Variants in RAP1GDS1 observed in about 807,000 individuals in gnomAD.
RAP1GDS1 encodes the protein RAP1, GTP-GDP dissociation stimulator 1.
In RAP1GDS1, 35 loss-of-function variants were observed where a neutral mutation model predicts 71.1. The ratio of observed to expected loss-of-function variants is 0.49; its 90% CI spans 0.38 to 0.65. The LOEUF is 0.65. Ranked by LOEUF, RAP1GDS1 falls within the 30% of genes least tolerant of loss-of-function variation. The pLI is 0.00. For synonymous variants in RAP1GDS1, 229 were observed against 243.1 expected, an observed-to-expected ratio of 0.94 and a Z score of 0.54; for missense variants, 663 against 706.1, an observed-to-expected ratio of 0.94 and a Z score of 0.69.
chr4:98,383,223 A>C (rs1011203897), intron 5 of RAP1GDS1, among the ~76,000 whole-genome samples: 1 of 151,642 alleles, frequency 6.6e-6, no homozygotes, highest in Non-Finnish European at 1.5e-5. Flanking sequence ...ATTCTATTAT[A>C]ACTCTTAAAG....
Position 98,261,978 on chromosome 4 carries a change from T to G in RAP1GDS1, c.4+409T>G, listed in dbSNP as rs6814760. ...GAGCTCGAGGCTCGGGTCCGACCAC[T>G]ACCACTTCGTGTAACTTCCTTCTCT... On this transcript the variant is annotated intron_variant, in intron 1 of 14. Coordinates refer to ENST00000408927, the MANE Select transcript of RAP1GDS1 (RefSeq NM_001100427.2). Among the ~76,000 whole-genome samples the G allele has an allele frequency of 7.8e-3, 1,185 of 152,356 alleles. 16 individuals carry two copies. Among genetic ancestry groups the G allele is most frequent in the African/African-American group, 0.023 (966 of 41,586 alleles).
At chr4:98,302,552 A>C (rs1291369273) in intron 2 of RAP1GDS1, among the ~76,000 whole-genome samples, 1 of 152,222 alleles carries the variant, frequency 6.6e-6, no homozygotes, top group Non-Finnish European at 1.5e-5. Flanking sequence ...TGAAACAGAG[A>C]TAGTATTTAA....
chr4:98,270,810 G>T (rs919809472), intron 1 of RAP1GDS1, among the ~76,000 whole-genome samples: 2 of 151,888 alleles, frequency 1.3e-5, no homozygotes, highest in African/African-American at 4.8e-5. Flanking sequence ...ACCTGAGACA[G>T]CTAGATGAAC....
At chr4:98,340,979 A>G (rs1416462308) in intron 2 of RAP1GDS1, among the ~76,000 whole-genome samples, 1 of 152,026 alleles carries the variant, frequency 6.6e-6, no homozygotes, top group African/African-American at 2.4e-5. Context: ...ATGACATGCA[A>G]TTTACCTATA....
chr4:98,405,109 A>G (rs944861479), intron 7 of RAP1GDS1, among the ~76,000 whole-genome samples: 1 of 152,218 alleles, frequency 6.6e-6, no homozygotes, highest in Non-Finnish European at 1.5e-5. Context: ...AATACATAAG[A>G]CAAAACACAC....
chr4:98,324,483 A>T (rs1182861971), intron 2 of RAP1GDS1, among the ~76,000 whole-genome samples: 1 of 149,540 alleles, frequency 6.7e-6, no homozygotes, highest in Non-Finnish European at 1.5e-5. Flanking sequence ...AGCCAAAAGA[A>T]CAAAGCTGGA....
At chr4:98,382,700 T>C (rs1238671232) in intron 5 of RAP1GDS1, among the ~76,000 whole-genome samples, 1 of 151,648 alleles carries the variant, frequency 6.6e-6, no homozygotes, top group East Asian at 1.9e-4. Context: ...TTTTAGCACA[T>C]AGGAGTTTGG....
chr4:98,374,263 G>A (rs542508011), intron 4 of RAP1GDS1, among the ~76,000 whole-genome samples: 1 of 152,206 alleles, frequency 6.6e-6, no homozygotes, highest in Non-Finnish European at 1.5e-5. Flanking sequence ...AGTTCGCTGA[G>A]TCTTTTCTTG....
chr4:98,284,990 G>C (rs1323961442), intron 1 of RAP1GDS1, among the ~76,000 whole-genome samples: 1 of 152,180 alleles, frequency 6.6e-6, no homozygotes, highest in African/African-American at 2.4e-5. Context: ...CAAGGCTGTA[G>C]ATTTTGTGAA....
rs150702337 is a variant in RAP1GDS1, at chr4:98,314,371, G to A, written c.112+20856G>A. ...TCAAAAGAAATCAAGTTTCCTTGGT[G>A]AGAGAATCTTATCAAGATTCTTAAT... is the stretch of plus-strand genomic sequence containing the variant. On this transcript the variant is annotated intron_variant, in intron 2 of 14. Coordinates refer to ENST00000408927, the MANE Select transcript of RAP1GDS1 (RefSeq NM_001100427.2). Among the ~76,000 whole-genome samples the A allele has an allele frequency of 5.6e-3, 846 of 152,276 alleles. 8 individuals carry two copies. The highest frequency in any genetic ancestry group is 0.024 in the Middle Eastern group (7 of 294).
At chr4:98,366,510 G>T (rs570045799) in intron 4 of RAP1GDS1, among the ~76,000 whole-genome samples, 7 of 152,254 alleles carry the variant, frequency 4.6e-5, no homozygotes, top group African/African-American at 1.4e-4. Context: ...ATGTGGAAGC[G>T]ACTTTGGAAC....
rs970738174 is a variant in RAP1GDS1 at position 98,336,925 on chromosome 4, C to T, written c.113-6214C>T. ...TTTGTTTTTTCTTGAGGCAGAGTCT[C>T]GCTTTGTTGCCCAGGCTAGAGTGCA... is the stretch of plus-strand genomic sequence containing the variant. On this transcript the variant is annotated intron_variant, in intron 2 of 14. Transcript: ENST00000408927. Among the ~76,000 whole-genome samples the T allele has an allele frequency of 2.5e-4, 38 of 151,886 alleles. 1 individual carries two copies. Among genetic ancestry groups the T allele is most frequent in the Non-Finnish European group, 1.2e-4 (8 of 67,982 alleles).
chr4:98,372,312 G>A (rs755722644), intron 4 of RAP1GDS1, among the ~76,000 whole-genome samples: 37 of 152,066 alleles, frequency 2.4e-4, no homozygotes, highest in African/African-American at 9.7e-5. Flanking sequence ...ATAGGTGCAC[G>A]CCACCATGCC....
At chr4:98,396,582 G>T (rs936736325) in intron 6 of RAP1GDS1, 1 of 152,116 alleles carries the variant, frequency 6.6e-6, no homozygotes, top group Non-Finnish European at 1.5e-5. Context: ...AATTTCAGTG[G>T]TTACTGCCCT....
chr4:98,341,361 G>A (rs772660373), intron 2 of RAP1GDS1, among the ~76,000 whole-genome samples: 3 of 152,234 alleles, frequency 2.0e-5, no homozygotes, highest in Non-Finnish European at 4.4e-5. Context: ...TCTGTGGAAA[G>A]TGTCATTGGA....
intron 13 of RAP1GDS1, among the ~76,000 whole-genome samples, chr4:98,434,731 G>A (rs976695463): frequency 2.0e-5 from 3 of 150,116 alleles, no homozygotes; most frequent in African/African-American, 7.4e-5. Flanking sequence ...AGCAATTCTC[G>A]TGCCTCAGCC....
chr4:98,311,977 A>G (rs1730299427), intron 2 of RAP1GDS1, among the ~76,000 whole-genome samples: 1 of 152,150 alleles, frequency 6.6e-6, no homozygotes, highest in African/African-American at 2.4e-5. Context: ...GCAGGGGACA[A>G]TGAAATTGGA....
rs1344663230 is a variant in RAP1GDS1, at chr4:98,271,013, T to C, written c.4+9444T>C. ...ATGCATATAACATACATAATATGTGTTAATTGACTGTTTATGTTATTGGTA... is the reference window on the plus strand; with the variant it reads ...ATGCATATAACATACATAATATGTGCTAATTGACTGTTTATGTTATTGGTA... On this transcript the variant is annotated intron_variant, in intron 1 of 14. Transcript: ENST00000408927. Among the ~76,000 whole-genome samples, 6 of 152,318 alleles carry C rather than the reference T, an allele frequency of 3.9e-5. No homozygotes were observed. The South Asian group carries it at 1.2e-3, about 32-fold the overall frequency.
chr4:98,404,923 T>C (rs1745912405), intron 7 of RAP1GDS1, among the ~76,000 whole-genome samples: 1 of 152,132 alleles, frequency 6.6e-6, no homozygotes, highest in South Asian at 2.1e-4. Context: ...GGGATAAAAG[T>C]TGGAGTCTCA....
Sources: gnomAD v4.1 joint callset for allele counts (sites outside exome capture counted in the v4.1 genomes callset) on GRCh38, gnomAD v4.1.1 for gene constraint, MANE v1.5 for transcripts, NCBI Gene and HGNC (gene_info 2026-07-23, HGNC 2026-07-21) for gene names.